HDX: variants seen among roughly 807,000 people sequenced by gnomAD.
HDX encodes the protein chromosome X open reading frame 43.
HDX carries 19 observed loss-of-function variants against 45.2 expected under a neutral mutation model. The observed-to-expected ratio is 0.42, with a 90% CI of 0.29 to 0.62. HDX has a LOEUF of 0.62. Ranked by LOEUF, HDX falls within the 20% of genes least tolerant of loss-of-function variation. The pLI, the probability that HDX is intolerant of heterozygous loss-of-function variation, is 0.20. For synonymous variants in HDX, 188 were observed against 172.8 expected (o/e 1.09, Z -0.69); for missense variants, 532 against 493.9 (o/e 1.08, Z -0.73).
chrX:84,407,487 T>C (rs1197799708), intron 5 of HDX, among the ~76,000 whole-genome samples: 1 of 111,513 alleles, frequency 9.0e-6, no homozygotes, highest in African/African-American at 3.3e-5. Flanking sequence ...TGATTCCTTA[T>C]CTTTGCTATT....
intron 5 of HDX, among the ~76,000 whole-genome samples, chrX:84,406,519 T>C (rs28533636): frequency 0.15 from 9,671 of 64,510 alleles, 434 homozygotes; most frequent in South Asian, 0.44. Flanking sequence ...CACACACACA[T>C]ACACACACAC....
At chrX:84,461,018 A>T (rs1363160462) in intron 4 of HDX, among the ~76,000 whole-genome samples, 1 of 111,706 alleles carries the variant, frequency 9.0e-6, no homozygotes, top group Non-Finnish European at 1.9e-5. Context: ...TTGATAAAAG[A>T]AATTGAAGAG....
At chrX:84,457,570 T>C (rs1266776332) in intron 4 of HDX, among the ~76,000 whole-genome samples, 1 of 111,787 alleles carries the variant, frequency 8.9e-6, no homozygotes, top group Non-Finnish European at 1.9e-5. Flanking sequence ...TTATTTAATA[T>C]TGCATGTAGA....
intron 9 of HDX, among the ~76,000 whole-genome samples, chrX:84,330,634 G>A (rs987246000): frequency 4.5e-5 from 5 of 111,485 alleles, no homozygotes; most frequent in Non-Finnish European, 7.5e-5. Flanking sequence ...GTAGTATCTG[G>A]TTTGAATGCA....
At chrX:84,436,936 G>A (rs2039650500) in intron 5 of HDX, among the ~76,000 whole-genome samples, 1 of 109,334 alleles carries the variant, frequency 9.1e-6, no homozygotes, top group South Asian at 3.8e-4. Flanking sequence ...TGAGAGTGAG[G>A]CATTGTAGTT....
intron 5 of HDX, among the ~76,000 whole-genome samples, chrX:84,432,169 T>C (rs1474926920): frequency 1.8e-5 from 2 of 111,354 alleles, no homozygotes; most frequent in African/African-American, 6.5e-5. Flanking sequence ...ATTTCCGGGC[T>C]CTCTATTCTG....
chrX:84,470,177 C>T (rs1003273661), intron 3 of HDX, among the ~76,000 whole-genome samples: 2 of 111,005 alleles, frequency 1.8e-5, no homozygotes, highest in African/African-American at 6.6e-5. Flanking sequence ...CCATATACCT[C>T]ATCGTAGATG....
At chrX:84,440,038 C>T (rs2039727714) in intron 5 of HDX, 1 of 111,298 alleles carries the variant, frequency 9.0e-6, no homozygotes, top group South Asian at 3.7e-4. Flanking sequence ...TGAGGAAGCA[C>T]AATTTTACTG....
At chrX:84,398,868 C>T (rs1382414063) in intron 5 of HDX, among the ~76,000 whole-genome samples, 1 of 110,911 alleles carries the variant, frequency 9.0e-6, no homozygotes, top group East Asian at 2.9e-4. Flanking sequence ...AAAAACAGTC[C>T]CTCAGACCAC....
At chrX:84,354,171 T>C (rs1171697211) in intron 6 of HDX, among the ~76,000 whole-genome samples, 1 of 111,715 alleles carries the variant, frequency 9.0e-6, no homozygotes, top group Non-Finnish European at 1.9e-5. Flanking sequence ...TCCTGAATAA[T>C]AAATTTCCCA....
At chrX:84,410,130 A>G (rs1602403373) in intron 5 of HDX, among the ~76,000 whole-genome samples, 1 of 104,511 alleles carries the variant, frequency 9.6e-6, no homozygotes, top group African/African-American at 3.5e-5. Context: ...TTCTTTTCCT[A>G]TTTGGGTGCC....
At position 84,337,006 on chromosome X, in the gene HDX, T is replaced by C. The variant is rs1264932549; in HGVS notation, c.1661-126A>G. On this transcript the variant is annotated intron_variant, in intron 7 of 10. Transcript: ENST00000373177. ...ACAAATGGCAAATTCATTTCACACG[T>C]TTGATGAGCAATTCTACTTCAAACA... 6.6e-6 allele frequency: 3 copies of C among 457,967 alleles called. No homozygotes were observed. In the African/African-American group the frequency reaches 7.4e-5, roughly 11 times the overall value. 37.7% of individuals were successfully genotyped at this position (457,967 alleles called of 1,213,427 possible).
chrX:84,352,692 C>G (rs985031917), intron 6 of HDX, among the ~76,000 whole-genome samples: 1 of 111,191 alleles, frequency 9.0e-6, no homozygotes, highest in Admixed American at 9.6e-5. Context: ...ACTCTAGCAC[C>G]CAATTTCTCA....
intron 5 of HDX, among the ~76,000 whole-genome samples, chrX:84,393,162 A>G (rs1241008261): frequency 9.0e-6 from 1 of 111,603 alleles, no homozygotes; most frequent in Non-Finnish European, 1.9e-5. Context: ...GATTTGTCAT[A>G]TATGTCCTTT....
intron 1 of HDX, among the ~76,000 whole-genome samples, chrX:84,492,927 T>TC (rs1467707168): frequency 9.2e-6 from 1 of 108,845 alleles, no homozygotes; most frequent in Non-Finnish European, 1.9e-5. Flanking sequence ...TTTTTTTTTT[T>TC]CTGAGATGGA....
intron 6 of HDX, among the ~76,000 whole-genome samples, chrX:84,360,607 C>T (rs888365099): frequency 1.1e-4 from 12 of 110,884 alleles, no homozygotes; most frequent in Non-Finnish European, 2.3e-4. Flanking sequence ...GCACCACTAA[C>T]CTATTTTCTG....
At chrX:84,401,883 T>G (rs916986215) in intron 5 of HDX, among the ~76,000 whole-genome samples, 1 of 111,729 alleles carries the variant, frequency 9.0e-6, no homozygotes, top group Non-Finnish European at 1.9e-5. Flanking sequence ...GCATAAATCA[T>G]GTCCCTTGCA....
intron 5 of HDX, among the ~76,000 whole-genome samples, chrX:84,409,308 A>G (rs1044377405): frequency 4.5e-5 from 5 of 111,368 alleles, no homozygotes; most frequent in African/African-American, 1.6e-4. Context: ...TGTGGAAGTC[A>G]GTGTGGCGAT....
chrX:84,406,844 A>C (rs1248729325), intron 5 of HDX, among the ~76,000 whole-genome samples: 1 of 110,999 alleles, frequency 9.0e-6, no homozygotes, highest in African/African-American at 3.3e-5. Context: ...TTAAGTAAGA[A>C]CATAAACTCA....
Sources: allele counts gnomAD v4.1 joint callset (sites outside exome capture counted in the v4.1 genomes callset), GRCh38; gene constraint gnomAD v4.1.1; transcripts MANE v1.5; gene names NCBI Gene and HGNC (gene_info 2026-07-23, HGNC 2026-07-21).